SYNPR: variants seen among roughly 807,000 people sequenced by gnomAD.
SYNPR encodes the protein synaptoporin.
Under a neutral mutation model 32.9 loss-of-function variants are expected in SYNPR, and 23 were observed. The ratio of observed to expected loss-of-function variants is 0.70; its 90% CI spans 0.50 to 0.99. The LOEUF (loss-of-function observed/expected upper bound fraction) is 0.99, where lower values mean the gene tolerates loss of function less well. SYNPR is among the 50% of genes least tolerant of loss of function. The pLI is 0.00. For synonymous variants in SYNPR, 146 were observed against 135.9 expected (o/e 1.07, Z -0.52); for missense variants, 318 against 349.3 (o/e 0.91, Z 0.71).
chr3:63,507,133 C>T (rs560191578), intron 3 of SYNPR, among the ~76,000 whole-genome samples: 147 of 149,708 alleles, frequency 9.8e-4, no homozygotes, highest in Middle Eastern at 3.4e-3. Flanking sequence ...GGTGACAGAG[C>T]GAGACTCTGT....
chr3:63,300,476 G>A (rs1046920790), intron 2 of SYNPR, among the ~76,000 whole-genome samples: 1 of 152,076 alleles, frequency 6.6e-6, no homozygotes, highest in African/African-American at 2.4e-5. Flanking sequence ...ATAATTGTGA[G>A]GGACTTTGTT....
intron 1 of SYNPR, among the ~76,000 whole-genome samples, chr3:63,250,577 G>GT (rs2086323665): frequency 6.6e-6 from 1 of 152,156 alleles, no homozygotes; most frequent in Non-Finnish European, 1.5e-5. Context: ...TCAACATGTG[G>GT]TTAGTAGGTG....
chr3:63,434,300 G>A (rs1700042411), intron 2 of SYNPR, among the ~76,000 whole-genome samples: 1 of 152,206 alleles, frequency 6.6e-6, no homozygotes, highest in African/African-American at 2.4e-5. Context: ...CTTGCCTGTA[G>A]CTTTAGGAGA....
At chr3:63,581,168 A>T (rs1390439) in intron 4 of SYNPR, among the ~76,000 whole-genome samples, 1 of 151,856 alleles carries the variant, frequency 6.6e-6, no homozygotes, top group South Asian at 2.1e-4. Flanking sequence ...CCTGAACACA[A>T]TCAGAAAAGC....
chr3:63,391,837 G>T (rs1304008960), intron 2 of SYNPR, among the ~76,000 whole-genome samples: 1 of 152,138 alleles, frequency 6.6e-6, no homozygotes, highest in East Asian at 1.9e-4. Flanking sequence ...TACAGAAGAG[G>T]ACACTGAGCT....
intron 2 of SYNPR, among the ~76,000 whole-genome samples, chr3:63,395,480 T>C (rs569385170): frequency 6.6e-6 from 1 of 152,320 alleles, no homozygotes. Context: ...GCTAAGCACT[T>C]TATACACAGT....
intron 2 of SYNPR, chr3:63,445,587 C>A (rs1406256414): frequency 2.9e-6 from 2 of 699,942 alleles, no homozygotes; most frequent in Non-Finnish European, 5.2e-6. Context: ...GTAAGTACAT[C>A]CTATATGCCT....
chr3:63,306,159 G>A (rs1334632907), intron 2 of SYNPR, among the ~76,000 whole-genome samples: 1 of 151,892 alleles, frequency 6.6e-6, no homozygotes, highest in Non-Finnish European at 1.5e-5. Context: ...TTCATCTTTT[G>A]TAAGTCCCAG....
intron 2 of SYNPR, among the ~76,000 whole-genome samples, chr3:63,448,666 C>CT (rs199873557): frequency 2.6e-5 from 4 of 151,662 alleles, no homozygotes; most frequent in East Asian, 1.9e-4. Flanking sequence ...GTGGATGTCA[C>CT]TTTTTTTTTA....
At chr3:63,469,198 G>C (rs1353079393) in intron 2 of SYNPR, among the ~76,000 whole-genome samples, 2 of 152,126 alleles carry the variant, frequency 1.3e-5, no homozygotes, top group Admixed American at 1.3e-4. Context: ...TAAAGTATAA[G>C]GGGAGGAGGA....
rs534937503 is a variant in SYNPR, at chr3:63,357,262, CCCA to C, written c.84+78523_84+78525del. On this transcript the variant is annotated intron_variant, in intron 2 of 5. Coordinates refer to ENST00000478300, the MANE Select transcript of SYNPR (RefSeq NM_001130003.2). The stretch of plus-strand genomic sequence containing the variant: ...TCCCTGCTTGAGACCAGAGACCCCT[CCCA>C]CCCCAGACGTCCCCTTACCAACATC... 1.5e-4 allele frequency among the ~76,000 whole-genome samples: 23 copies of C among 152,178 alleles called. 2 individuals carry two copies. Among genetic ancestry groups the C allele is most frequent in the Middle Eastern group, 3.4e-3 (1 of 294 alleles).
intron 2 of SYNPR, among the ~76,000 whole-genome samples, chr3:63,453,138 A>T (rs1308368476): frequency 6.6e-6 from 1 of 152,148 alleles, no homozygotes; most frequent in African/African-American, 2.4e-5. Context: ...TTGCATACAC[A>T]CTTATGTTTG....
intron 4 of SYNPR, among the ~76,000 whole-genome samples, chr3:63,577,192 G>C (rs543980525): frequency 6.6e-6 from 1 of 152,162 alleles, no homozygotes; most frequent in African/African-American, 2.4e-5. Context: ...GCATGTGGCT[G>C]GGTAAACGCA....
upstream of SYNPR, among the ~76,000 whole-genome samples, chr3:63,224,449 A>C (rs1416958974): frequency 6.6e-6 from 1 of 152,306 alleles, no homozygotes; most frequent in East Asian, 1.9e-4. Context: ...GACATGACTA[A>C]TTTTTACCAG....
chr3:63,615,711 C>T lies in SYNPR; in HGVS notation c.*230C>T. On this transcript the variant is annotated 3_prime_UTR_variant, in exon 6 of 6. Transcript: ENST00000478300. ...TCATAGATGGCTAATTGGAGAGTACCTTGTTATATATACAGATACTTTCAT... is the reference window on the plus strand; with the variant it reads ...TCATAGATGGCTAATTGGAGAGTACTTTGTTATATATACAGATACTTTCAT... 4 of 509,234 alleles carry T rather than the reference C, an allele frequency of 7.9e-6. No homozygotes were observed. Among genetic ancestry groups the T allele is most frequent in the Non-Finnish European group, 1.4e-5 (4 of 293,592 alleles). The allele number at this position is 509,234 out of a possible 1,614,324, so 31.5% of individuals were successfully genotyped here. A position where few individuals can be genotyped will look rare whatever the true frequency, so the allele number is the denominator to read the frequency against.
chr3:63,461,388 A>C (rs968704071), intron 2 of SYNPR, among the ~76,000 whole-genome samples: 3 of 152,112 alleles, frequency 2.0e-5, no homozygotes, highest in Non-Finnish European at 4.4e-5. Context: ...GGAAACGTAA[A>C]CACATAAATG....
chr3:63,315,092 A>G (rs1413487591), intron 2 of SYNPR, among the ~76,000 whole-genome samples: 1 of 151,970 alleles, frequency 6.6e-6, no homozygotes, highest in Non-Finnish European at 1.5e-5. Flanking sequence ...TCATTGGTCT[A>G]TGTGCCTATT....
chr3:63,300,825 C>T lies in SYNPR; in HGVS notation c.84+22083C>T, dbSNP rs1575590975. ...CCTTCCCCTGCTCTATCCTTCTTCCCTCTCTATTATTTCCTGGAAAGCACT... is the reference window on the plus strand; with the variant it reads ...CCTTCCCCTGCTCTATCCTTCTTCCTTCTCTATTATTTCCTGGAAAGCACT... On this transcript the variant is annotated intron_variant, in intron 2 of 5. Coordinates refer to ENST00000478300, the MANE Select transcript of SYNPR (RefSeq NM_001130003.2). 2.0e-5 allele frequency among the ~76,000 whole-genome samples: 3 copies of T among 152,162 alleles called. 1 individual carries two copies. The East Asian group carries it at 5.8e-4, about 29-fold the overall frequency.
upstream of SYNPR, among the ~76,000 whole-genome samples, chr3:63,225,229 A>G (rs2086119883): frequency 6.6e-6 from 1 of 152,188 alleles, no homozygotes; most frequent in Non-Finnish European, 1.5e-5. Flanking sequence ...CAGCATCAAT[A>G]AGTGTCATTG....
Sources: gnomAD v4.1 joint callset for allele counts (sites outside exome capture counted in the v4.1 genomes callset) on GRCh38, gnomAD v4.1.1 for gene constraint, MANE v1.5 for transcripts, NCBI Gene and HGNC (gene_info 2026-07-23, HGNC 2026-07-21) for gene names.